CTBP2: variants seen among roughly 807,000 people sequenced by gnomAD.
CTBP2 encodes C-terminal-binding protein 2.
A neutral mutation model predicts 80.3 loss-of-function variants in CTBP2; 30 were observed. That is an observed-to-expected ratio of 0.37 (90% CI 0.28 to 0.51). The LOEUF (loss-of-function observed/expected upper bound fraction) is 0.51. Among genes scored for constraint, CTBP2 ranks in the 20% least tolerant of loss-of-function variants. CTBP2 has a pLI of 0.93. For missense variants in CTBP2, 1,212 were observed against 1,375.3 expected, an observed-to-expected ratio of 0.88 and a Z score of 1.88; for synonymous variants, 594 against 587.4, an observed-to-expected ratio of 1.01 and a Z score of -0.16.
At chr10:125,142,127 A>C (rs1375754343) in intron 1 of CTBP2, among the ~76,000 whole-genome samples, 1 of 152,012 alleles carries the variant, frequency 6.6e-6, no homozygotes, top group Non-Finnish European at 1.5e-5. Context: ...TTTGCAGGGG[A>C]CGGGGGCGGT....
chr10:125,013,331 A>C (rs1445170095), intron 1 of CTBP2, among the ~76,000 whole-genome samples: 1 of 152,198 alleles, frequency 6.6e-6, no homozygotes, highest in Non-Finnish European at 1.5e-5. Flanking sequence ...TTAGACACAG[A>C]CTAGACTTTC....
chr10:125,075,754 G>A (rs1322068192), intron 2 of CTBP2, among the ~76,000 whole-genome samples: 1 of 152,206 alleles, frequency 6.6e-6, no homozygotes, highest in Admixed American at 6.5e-5. Context: ...TACTACAAAT[G>A]CACCAGAATT....
Position 125,026,464 on chromosome 10 carries a change from G to A in CTBP2, c.1296C>T (p.His432=), listed in dbSNP as rs768415130. The A allele has an allele frequency of 3.1e-6, 5 of 1,600,314 alleles. No individual in the cohort carries two copies. Among genetic ancestry groups the A allele is most frequent in the Non-Finnish European group, 1.7e-6 (2 of 1,170,456 alleles). Residue 432 remains histidine (H), a synonymous_variant, in exon 1 of 9, where the codon CAC becomes CAT. Coordinates refer to ENST00000309035, the MANE Select transcript of CTBP2 (RefSeq NM_022802.3). ...AGCTGTACCCGGAGTTGGAGGGGAA[G>A]TGTGGGGCATGGGTGCCCACGCCAG...
intron 2 of CTBP2, among the ~76,000 whole-genome samples, chr10:125,078,279 C>CAAAAAA (rs1214515506): frequency 1.2e-5 from 1 of 80,146 alleles, no homozygotes; most frequent in Non-Finnish European, 2.6e-5. Context: ...GACTCCGTCT[C>CAAAAAA]AAAAAAAAAA....
rs749391098 is a variant in CTBP2 at position 125,046,749 on chromosome 10, G to C, written c.-101-7594C>G. ...AGCACATGGAGTCAGTGCTAGGAGA[G>C]GGCACACTATGAGGCTCTGGGCTGC... On this transcript the variant is annotated intron_variant, in intron 2 of 10. Coordinates refer to the CTBP2 transcript ENST00000337195. 4.3e-4 allele frequency among the ~76,000 whole-genome samples: 66 copies of C among 152,250 alleles called. 1 individual carries two copies. The highest frequency in any genetic ancestry group is 6.8e-3 in the Middle Eastern group (2 of 294).
At chr10:125,061,563 GT>G (rs1402939830) in intron 2 of CTBP2, among the ~76,000 whole-genome samples, 1 of 152,188 alleles carries the variant, frequency 6.6e-6, no homozygotes, top group African/African-American at 2.4e-5. Context: ...AGTTCCAGGA[GT>G]GGCCTGGGAC....
At chr10:125,136,343 CT>C (rs1856975523) in intron 1 of CTBP2, among the ~76,000 whole-genome samples, 1 of 152,300 alleles carries the variant, frequency 6.6e-6, no homozygotes, top group African/African-American at 2.4e-5. Flanking sequence ...ACACATCCCC[CT>C]GTCTGGCTCA....
At chr10:125,071,003 C>A (rs1256944059) in intron 2 of CTBP2, among the ~76,000 whole-genome samples, 1 of 152,260 alleles carries the variant, frequency 6.6e-6, no homozygotes, top group African/African-American at 2.4e-5. Context: ...ACACTGCATT[C>A]CTGCAAAGAC....
chr10:125,033,250 C>A (rs3824795), intron 3 of CTBP2, among the ~76,000 whole-genome samples: 12,769 of 152,310 alleles, frequency 0.084, 723 homozygotes, highest in Admixed American at 0.17. Context: ...ATGCTCTCCC[C>A]TCTCGGCATC....
chr10:125,030,658 G>A (rs976159119), upstream of CTBP2, among the ~76,000 whole-genome samples: 2 of 152,236 alleles, frequency 1.3e-5, no homozygotes, highest in African/African-American at 2.4e-5. Flanking sequence ...AGAAGAACAG[G>A]TGGGATCAGT....
At chr10:125,029,585 C>A (rs1957979243), upstream of CTBP2, among the ~76,000 whole-genome samples, 1 of 152,142 alleles carries the variant, frequency 6.6e-6, no homozygotes, top group African/African-American at 2.4e-5. Flanking sequence ...AGCCACCTTG[C>A]CAATTTCTTT....
chr10:125,155,082 T>TA (rs1860676435), intron 1 of CTBP2, among the ~76,000 whole-genome samples: 1 of 152,240 alleles, frequency 6.6e-6, no homozygotes, highest in South Asian at 2.1e-4. Flanking sequence ...GAGGAACTCT[T>TA]ACTATCTGCC....
intron 2 of CTBP2, among the ~76,000 whole-genome samples, chr10:125,041,153 C>T (rs1030020978): frequency 1.3e-5 from 2 of 152,230 alleles, no homozygotes; most frequent in Non-Finnish European, 2.9e-5. Context: ...AAGCTCATGG[C>T]TCACTGCAGC....
At chr10:125,132,821 G>A (rs558203179) in intron 1 of CTBP2, among the ~76,000 whole-genome samples, 3 of 152,304 alleles carry the variant, frequency 2.0e-5, no homozygotes, top group South Asian at 4.1e-4. Flanking sequence ...ACAAGAATCC[G>A]ATTTGGTAAA....
intron 3 of CTBP2, among the ~76,000 whole-genome samples, chr10:125,037,476 T>C (rs1456644676): frequency 5.3e-5 from 8 of 152,086 alleles, no homozygotes. Context: ...AAGTCAAGAG[T>C]AAATTTTACA....
intron 2 of CTBP2, among the ~76,000 whole-genome samples, chr10:125,076,428 G>A (rs1846281862): frequency 6.6e-6 from 1 of 152,166 alleles, no homozygotes; most frequent in Non-Finnish European, 1.5e-5. Context: ...GATCTCCTCT[G>A]GGTCCAGAAG....
intron 2 of CTBP2, among the ~76,000 whole-genome samples, chr10:125,071,601 G>A (rs1243452332): frequency 6.6e-6 from 1 of 152,232 alleles, no homozygotes; most frequent in South Asian, 2.1e-4. Context: ...GGTGATGACA[G>A]CTGGCCAAGG....
rs1952229721 is a variant in CTBP2, at chr10:124,989,032, A to G, written c.*486T>C. 1 of 208,104 alleles carries G rather than the reference A, an allele frequency of 4.8e-6. No individual in the cohort carries two copies. Among genetic ancestry groups the G allele is most frequent in the Non-Finnish European group, 9.7e-6 (1 of 102,868 alleles). 12.9% of individuals were successfully genotyped at this position (208,104 alleles called of 1,614,324 possible). A position where few individuals can be genotyped will look rare whatever the true frequency, so the allele number is the denominator to read the frequency against. On this transcript the variant is annotated 3_prime_UTR_variant, in exon 9 of 9. Transcript: ENST00000309035. ...ATGCGTGCAGGTGTCTACCACAGGC[A>G]AACAGTTTTCTCCCCATTTTGTAGT...
chr10:124,993,424 T>A, intron 6 of CTBP2, 95 bp from the exon 9 acceptor site: 1 of 1,358,466 alleles, frequency 7.4e-7, no homozygotes, highest in African/African-American at 1.4e-5. Context: ...TGTAGAAAAG[T>A]AGCTACATAG....
Sources: gnomAD v4.1 joint callset for allele counts (sites outside exome capture counted in the v4.1 genomes callset) on GRCh38, gnomAD v4.1.1 for gene constraint, MANE v1.5 for transcripts, NCBI Gene and HGNC (gene_info 2026-07-23, HGNC 2026-07-21) for gene names.